SMAP1: variants seen among roughly 807,000 people sequenced by gnomAD.
SMAP1 encodes the protein small ArfGAP 1.
Under a neutral mutation model 58.5 loss-of-function variants are expected in SMAP1, and 24 were observed. That is an observed-to-expected ratio of 0.41 (90% CI 0.30 to 0.58). The LOEUF is 0.58. Among genes scored for constraint, SMAP1 ranks in the 20% least tolerant of loss-of-function variants. The pLI is 0.29. For missense variants in SMAP1, 563 were observed against 566.3 expected, an observed-to-expected ratio of 0.99 and a Z score of 0.06; for synonymous variants, 216 against 196.6, an observed-to-expected ratio of 1.10 and a Z score of -0.82.
chr6:70,670,510 T>A lies in SMAP1; in HGVS notation c.118+2369T>A, dbSNP rs1373844167. Among the ~76,000 whole-genome samples, 4 of 152,312 alleles carry A rather than the reference T, an allele frequency of 2.6e-5. No individual in the cohort carries two copies. In the South Asian group the frequency reaches 8.3e-4, roughly 32 times the overall value. On this transcript the variant is annotated intron_variant, in intron 1 of 10. Coordinates refer to ENST00000370455, the MANE Select transcript of SMAP1 (RefSeq NM_001044305.3). Reference sequence around the variant, plus strand: ...ATTATGGAGGCTTTTTTAGTAGAATTCTTGGCTTGTTACATGATTTTGGAT... The same window carrying A: ...ATTATGGAGGCTTTTTTAGTAGAATACTTGGCTTGTTACATGATTTTGGAT...
At chr6:70,670,732 A>G (rs530584111) in intron 1 of SMAP1, among the ~76,000 whole-genome samples, 1 of 152,304 alleles carries the variant, frequency 6.6e-6, no homozygotes, top group Non-Finnish European at 1.5e-5. Context: ...CTTTCTTTCA[A>G]AGAAGCTTCT....
At chr6:70,776,289 T>G (rs1767544306) in intron 4 of SMAP1, among the ~76,000 whole-genome samples, 1 of 152,160 alleles carries the variant, frequency 6.6e-6, no homozygotes, top group Admixed American at 6.5e-5. Flanking sequence ...TTCAAGCAAT[T>G]CTTCTGCCTC....
At chr6:70,795,024 A>G (rs1582203885) in intron 5 of SMAP1, among the ~76,000 whole-genome samples, 2 of 151,872 alleles carry the variant, frequency 1.3e-5, no homozygotes, top group African/African-American at 4.8e-5. Flanking sequence ...TCCTGACCTC[A>G]TTGCCACATT....
At chr6:70,690,827 A>G (rs1048757384) in intron 1 of SMAP1, among the ~76,000 whole-genome samples, 3 of 151,834 alleles carry the variant, frequency 2.0e-5, no homozygotes, top group African/African-American at 7.3e-5. Flanking sequence ...GGCTCACCAA[A>G]TGAATTAGAT....
chr6:70,856,382 TGATTA>T (rs1771422359), intron 8 of SMAP1, among the ~76,000 whole-genome samples: 1 of 152,234 alleles, frequency 6.6e-6, no homozygotes, highest in Non-Finnish European at 1.5e-5. Flanking sequence ...TAGTTAAAAC[TGATTA>T]GATGTATAAA....
chr6:70,857,666 T>C (rs1317227758), intron 9 of SMAP1: 5 of 480,290 alleles, frequency 1.0e-5, no homozygotes, highest in East Asian at 3.8e-5. Context: ...CAGTGGAAGA[T>C]ATTTTGTGTG....
chr6:70,788,726 T>G (rs914097436), intron 4 of SMAP1, among the ~76,000 whole-genome samples: 20 of 152,126 alleles, frequency 1.3e-4, no homozygotes, highest in African/African-American at 4.6e-4. Flanking sequence ...TGTATATGAA[T>G]GTAGCCAGGG....
intron 6 of SMAP1, among the ~76,000 whole-genome samples, chr6:70,799,776 A>G (rs1020514136): frequency 6.6e-6 from 1 of 152,202 alleles, no homozygotes; most frequent in African/African-American, 2.4e-5. Flanking sequence ...GTATGTTTTT[A>G]GGGTGACTTA....
rs369742473 is a variant in SMAP1, at chr6:70,861,637, C to A, written c.*1303C>A. On this transcript the variant is annotated 3_prime_UTR_variant, in exon 11 of 11. Coordinates refer to ENST00000370455, the MANE Select transcript of SMAP1 (RefSeq NM_001044305.3). ...CTTCCATATGGATCCACTGGCTGGA[C>A]AAACTGCACCAGTTGCTGCTTCAAT... 5.6e-6 allele frequency: 9 copies of A among 1,603,148 alleles called. No homozygotes were observed. In the East Asian group the frequency reaches 6.7e-5, roughly 12 times the overall value.
chr6:70,825,198 A>G (rs1770063026), intron 6 of SMAP1, among the ~76,000 whole-genome samples: 3 of 152,164 alleles, frequency 2.0e-5, no homozygotes, highest in African/African-American at 7.2e-5. Flanking sequence ...AGAGAAAATT[A>G]TTACAAATTT....
intron 6 of SMAP1, among the ~76,000 whole-genome samples, chr6:70,835,180 A>G (rs1020595282): frequency 7.0e-6 from 1 of 143,314 alleles, no homozygotes; most frequent in African/African-American, 2.6e-5. Flanking sequence ...TGAACCCGAG[A>G]GGCGGAGCTT....
At position 70,861,565 on chromosome 6, in the gene SMAP1, A is replaced by G; in HGVS notation, c.*1231A>G. 1 of 1,141,960 alleles carries G rather than the reference A, an allele frequency of 8.8e-7. No individual in the cohort carries two copies. 70.7% of individuals were successfully genotyped at this position (1,141,960 alleles called of 1,614,324 possible). On this transcript the variant is annotated 3_prime_UTR_variant, in exon 11 of 11. Transcript: ENST00000370455. The stretch of plus-strand genomic sequence containing the variant: ...CAAGAAAGGCTGCTGTACTGAAGTA[A>G]AACAAACAATACCTGAATGCTCTGT...
chr6:70,841,443 A>G (rs1770803412), intron 7 of SMAP1, among the ~76,000 whole-genome samples: 1 of 152,018 alleles, frequency 6.6e-6, no homozygotes, highest in Non-Finnish European at 1.5e-5. Context: ...AGCATCTCAC[A>G]AAGAATCGAG....
At chr6:70,755,505 C>G (rs972062846) in intron 3 of SMAP1, among the ~76,000 whole-genome samples, 2 of 151,982 alleles carry the variant, frequency 1.3e-5, no homozygotes, top group Non-Finnish European at 2.9e-5. Flanking sequence ...AGATTTTGCT[C>G]AACCGTAGGC....
At chr6:70,691,319 G>C (rs561131928) in intron 1 of SMAP1, among the ~76,000 whole-genome samples, 1 of 151,684 alleles carries the variant, frequency 6.6e-6, no homozygotes, top group South Asian at 2.1e-4. Flanking sequence ...ATTTTTATGG[G>C]TACATATAAT....
At chr6:70,792,412 T>C (rs1163773829) in intron 5 of SMAP1, among the ~76,000 whole-genome samples, 2 of 142,254 alleles carry the variant, frequency 1.4e-5, no homozygotes, top group Non-Finnish European at 3.1e-5. Context: ...AGACATGGGA[T>C]AAATGATAAA....
chr6:70,669,569 T>A (rs922841326), intron 1 of SMAP1, among the ~76,000 whole-genome samples: 8 of 152,244 alleles, frequency 5.3e-5, no homozygotes, highest in African/African-American at 1.9e-4. Flanking sequence ...GTTTTCCTAG[T>A]AACTTGATTG....
At chr6:70,799,913 A>C (rs886272796) in intron 6 of SMAP1, among the ~76,000 whole-genome samples, 1 of 152,174 alleles carries the variant, frequency 6.6e-6, no homozygotes, top group African/African-American at 2.4e-5. Context: ...TATGTAACAC[A>C]TAGTGTTGTC....
At chr6:70,800,289 C>G (rs907758590) in intron 6 of SMAP1, among the ~76,000 whole-genome samples, 2 of 151,378 alleles carry the variant, frequency 1.3e-5, no homozygotes, top group Non-Finnish European at 2.9e-5. Flanking sequence ...GCAAGACACC[C>G]TTTAAAAAAA....
Sources: gnomAD v4.1 joint callset for allele counts (sites outside exome capture counted in the v4.1 genomes callset) on GRCh38, gnomAD v4.1.1 for gene constraint, MANE v1.5 for transcripts, NCBI Gene and HGNC (gene_info 2026-07-23, HGNC 2026-07-21) for gene names.